The following TSHR variants were observed in gnomAD, a reference collection of about 807,000 sequenced individuals.
TSHR encodes the protein thyrotropin receptor.
In TSHR, 51 loss-of-function variants were observed where a neutral mutation model predicts 64.1. That is an observed-to-expected ratio of 0.80 (90% confidence interval 0.64 to 1.01). The LOEUF is 1.01. Ranked by LOEUF, TSHR falls within the 50% of genes least tolerant of loss-of-function variation. The pLI, the probability that TSHR is intolerant of heterozygous loss-of-function variation, is 0.00. For synonymous variants in TSHR, 361 were observed against 361.9 expected (o/e 1.00, Z 0.03); for missense variants, 877 against 942.8 (o/e 0.93, Z 0.91).
chr14:81,111,896 T>C (rs1036662806), intron 8 of TSHR, among the ~76,000 whole-genome samples: 4 of 152,242 alleles, frequency 2.6e-5, no homozygotes, highest in Non-Finnish European at 5.9e-5. Context: ...AATCATATTT[T>C]AAAGATATTT....
chr14:81,106,102 T>A (rs1889875423), intron 7 of TSHR, among the ~76,000 whole-genome samples: 1 of 152,212 alleles, frequency 6.6e-6, no homozygotes, highest in Admixed American at 6.5e-5. Flanking sequence ...TTGGCTGCTT[T>A]AGCATCTTAG....
rs58911555 is a variant in TSHR, at chr14:80,960,777, T to C, written c.170+4927T>C. On this transcript the variant is annotated intron_variant, in intron 1 of 9. Coordinates refer to ENST00000298171, the MANE Select transcript of TSHR (RefSeq NM_000369.5). ...TTGAAAGAACATGTAATTTACAGAATTACTGTAGGACCAGGCTTTGAAAAT... is the reference window on the plus strand; with the variant it reads ...TTGAAAGAACATGTAATTTACAGAACTACTGTAGGACCAGGCTTTGAAAAT... Among the ~76,000 whole-genome samples, 303 of 152,366 alleles carry C rather than the reference T, an allele frequency of 2.0e-3. 2 individuals carry two copies. The highest frequency in any genetic ancestry group is 6.9e-3 in the African/African-American group (289 of 41,588).
intron 3 of TSHR, among the ~76,000 whole-genome samples, chr14:81,081,115 G>C (rs1887870376): frequency 6.6e-6 from 1 of 152,130 alleles, no homozygotes; most frequent in Non-Finnish European, 1.5e-5. Flanking sequence ...ATTTGAGGCT[G>C]TAGTGCACTA....
rs1210249732 is a variant in TSHR at position 81,130,968 on chromosome 14, G to A, written c.693-8711G>A. On this transcript the variant is annotated intron_variant, in intron 8 of 9. Coordinates refer to ENST00000298171, the MANE Select transcript of TSHR (RefSeq NM_000369.5). ...ATTGCGCCACTGCAGTCCGCAGTCC[G>A]GCCTGGGCGACAGAGCGAGACTCCG... 4.7e-5 allele frequency among the ~76,000 whole-genome samples: 4 copies of A among 85,016 alleles called. 1 individual carries two copies. Among genetic ancestry groups the A allele is most frequent in the South Asian group, 5.2e-4 (1 of 1,940 alleles). The allele number at this position is 85,016 out of a possible 152,430, so 55.8% of individuals were successfully genotyped here.
At chr14:81,039,297 G>A (rs1036550987) in intron 1 of TSHR, among the ~76,000 whole-genome samples, 1 of 151,820 alleles carries the variant, frequency 6.6e-6, no homozygotes, top group African/African-American at 2.4e-5. Context: ...AATTCCTTCA[G>A]GATAAAATCT....
chr14:81,131,232 T>C (rs1411672748), intron 8 of TSHR, among the ~76,000 whole-genome samples: 1 of 152,122 alleles, frequency 6.6e-6, no homozygotes, highest in Non-Finnish European at 1.5e-5. Context: ...ATCCCATCCA[T>C]CAGAAAGTCC....
chr14:80,999,197 G>C (rs1031817914), intron 1 of TSHR, among the ~76,000 whole-genome samples: 26 of 152,272 alleles, frequency 1.7e-4, no homozygotes, highest in Middle Eastern at 6.8e-3. Context: ...TGAATACATA[G>C]GGTAAAAAGA....
chr14:80,988,607 A>G (rs1361715517), intron 1 of TSHR, among the ~76,000 whole-genome samples: 1 of 152,170 alleles, frequency 6.6e-6, no homozygotes, highest in East Asian at 1.9e-4. Context: ...TCCTAAGGCA[A>G]TCCTTGTTAA....
At chr14:81,097,610 G>T (rs1281149665) in intron 7 of TSHR, among the ~76,000 whole-genome samples, 7 of 152,192 alleles carry the variant, frequency 4.6e-5, no homozygotes, top group African/African-American at 1.4e-4. Context: ...TCAATAAGCT[G>T]TCTAACCCTA....
intron 1 of TSHR, among the ~76,000 whole-genome samples, chr14:81,060,491 G>C (rs375225455): frequency 4.1e-4 from 63 of 152,246 alleles, no homozygotes; most frequent in African/African-American, 1.5e-3. Flanking sequence ...ACCAGAGGTT[G>C]GGAAGAGTTG....
chr14:81,044,797 G>A (rs960546616), intron 1 of TSHR, among the ~76,000 whole-genome samples: 5 of 152,092 alleles, frequency 3.3e-5, no homozygotes, highest in Admixed American at 6.5e-5. Context: ...ATACACTGTC[G>A]GTGAGAGTGT....
chr14:81,022,264 C>T (rs537815314), intron 1 of TSHR, among the ~76,000 whole-genome samples: 2 of 152,050 alleles, frequency 1.3e-5, no homozygotes, highest in East Asian at 1.9e-4. Flanking sequence ...AGCGAGACTC[C>T]GTCTCAAAAA....
intron 1 of TSHR, among the ~76,000 whole-genome samples, chr14:81,054,245 A>T (rs997872507): frequency 1.3e-5 from 2 of 152,194 alleles, no homozygotes; most frequent in African/African-American, 4.8e-5. Flanking sequence ...TCCATGTAAG[A>T]TGTGACTTGC....
In TSHR at chr14:81,144,058, A is replaced by G; in HGVS notation, c.2000A>G (p.Tyr667Cys). The change falls in exon 10 of 10, where the codon TAT becomes TGT. Residue 667 changes from tyrosine to cysteine, a missense_variant. Transcript: ENST00000298171. ...SNSKILLVLF[Y>C]PLNSCANPFL... The stretch of plus-strand genomic sequence containing the variant: ...TCCAAAATCTTGCTGGTACTCTTCT[A>G]TCCACTTAACTCCTGTGCCAATCCA... 6.2e-7 allele frequency: 1 copy of G among 1,614,128 alleles called. No individual in the cohort carries two copies.
chr14:81,042,223 A>C (rs1884955999), intron 1 of TSHR, among the ~76,000 whole-genome samples: 1 of 152,216 alleles, frequency 6.6e-6, no homozygotes, highest in Admixed American at 6.5e-5. Context: ...TATGGAAAAC[A>C]GTATGAAGTT....
intron 8 of TSHR, among the ~76,000 whole-genome samples, chr14:81,110,935 T>A (rs1890198109): frequency 6.6e-6 from 1 of 152,228 alleles, no homozygotes; most frequent in Admixed American, 6.5e-5. Flanking sequence ...ATAACATTGC[T>A]TTTGCTTTTA....
chr14:81,143,714 C>A lies in TSHR; in HGVS notation c.1656C>A (p.Leu552=), dbSNP rs746360455. 9 of 1,614,222 alleles carry A rather than the reference C, an allele frequency of 5.6e-6. No individual in the cohort carries two copies. The highest frequency in any genetic ancestry group is 7.6e-6 in the Non-Finnish European group (9 of 1,180,038). Residue 552 remains leucine (L), a synonymous_variant, in exon 10 of 10, where the codon CTC becomes CTA. Coordinates refer to ENST00000298171, the MANE Select transcript of TSHR (RefSeq NM_000369.5). ...GGGGCTGGGTTTGCTGCTTCCTTCT[C>A]GCCCTGCTTCCTTTGGTGGGAATAA... ...MVGGWVCCFL[L]ALLPLVGISS... is the part of the protein sequence containing the mutation.
At chr14:81,137,465 A>T (rs1413090732) in intron 8 of TSHR, among the ~76,000 whole-genome samples, 1 of 152,184 alleles carries the variant, frequency 6.6e-6, no homozygotes, top group African/African-American at 2.4e-5. Context: ...AGCCACATGG[A>T]GTAGCCACAG....
chr14:81,055,716 C>A (rs1156373206), intron 1 of TSHR, among the ~76,000 whole-genome samples: 1 of 152,164 alleles, frequency 6.6e-6, no homozygotes, highest in Non-Finnish European at 1.5e-5. Flanking sequence ...CTTGTAGCCC[C>A]TTTGTTTTGG....
Sources: allele counts gnomAD v4.1 joint callset (sites outside exome capture counted in the v4.1 genomes callset), GRCh38; gene constraint gnomAD v4.1.1; transcripts MANE v1.5; gene names NCBI Gene and HGNC (gene_info 2026-07-23, HGNC 2026-07-21).